Variants in ANKRD17 observed in about 807,000 individuals in gnomAD.
ANKRD17 encodes the protein ankyrin repeat domain 17.
ANKRD17 carries 19 observed loss-of-function variants against 229.7 expected under a neutral mutation model. The observed-to-expected ratio is 0.08, with a 90% CI of 0.06 to 0.12. ANKRD17 has a LOEUF of 0.12. Ranked by LOEUF, ANKRD17 falls within the 10% of genes least tolerant of loss-of-function variation. The pLI is 1.00. For missense variants in ANKRD17, 2,176 were observed against 3,176.8 expected, an observed-to-expected ratio of 0.68 and a Z score of 7.57; for synonymous variants, 1,112 against 1,146.1, an observed-to-expected ratio of 0.97 and a Z score of 0.60.
intron 6 of ANKRD17, among the ~76,000 whole-genome samples, chr4:73,153,276 T>C (rs926803094): frequency 6.7e-6 from 1 of 148,274 alleles, no homozygotes; most frequent in African/African-American, 2.5e-5. Flanking sequence ...CAGAAATGAG[T>C]GGCTAAACAC....
At chr4:73,085,531 A>G (rs1722028057) in intron 29 of ANKRD17, 85 bp from the exon 30 acceptor site, 2 of 1,165,246 alleles carry the variant, frequency 1.7e-6, no homozygotes, top group Admixed American at 2.1e-5. Flanking sequence ...GGCCCTAAAT[A>G]TATTCAAAAC....
At chr4:73,171,146 C>T (rs1293198462) in intron 2 of ANKRD17, among the ~76,000 whole-genome samples, 1 of 147,190 alleles carries the variant, frequency 6.8e-6, no homozygotes, top group Non-Finnish European at 1.5e-5. Context: ...ACTTGTGTCA[C>T]CCCAACCCCA....
chr4:73,123,325 T>C (rs1417937460), intron 18 of ANKRD17, among the ~76,000 whole-genome samples: 1 of 152,068 alleles, frequency 6.6e-6, no homozygotes, highest in African/African-American at 2.4e-5. Flanking sequence ...TCTGGAATAG[T>C]AGAAATAATT....
Position 73,196,547 on chromosome 4 carries a change from TAC to T in ANKRD17, c.394-19016_394-19015del, listed in dbSNP as rs373480116. ...TTATATACATATATACGTTTATATT[TAC>T]ACACACACACAAACATATACTTATG... On this transcript the variant is annotated intron_variant, in intron 1 of 33. Coordinates refer to ENST00000358602, the MANE Select transcript of ANKRD17 (RefSeq NM_032217.5). Among the ~76,000 whole-genome samples the T allele has an allele frequency of 5.3e-5, 8 of 152,200 alleles. No homozygotes were observed. In the South Asian group the frequency reaches 1.2e-3, roughly 24 times the overall value.
intron 2 of ANKRD17, among the ~76,000 whole-genome samples, chr4:73,162,328 GT>G (rs1317212936): frequency 6.6e-6 from 1 of 152,082 alleles, no homozygotes; most frequent in Non-Finnish European, 1.5e-5. Flanking sequence ...GGGATTATAG[GT>G]GTGAGCCACC....
At chr4:73,133,392 T>G (rs1415192502) in intron 16 of ANKRD17, among the ~76,000 whole-genome samples, 1 of 148,068 alleles carries the variant, frequency 6.8e-6, no homozygotes, top group Non-Finnish European at 1.5e-5. Flanking sequence ...GTCTCGTGTT[T>G]TTTTTTTTTT....
intron 1 of ANKRD17, among the ~76,000 whole-genome samples, chr4:73,226,702 T>C (rs1221739849): frequency 6.6e-6 from 1 of 152,064 alleles, no homozygotes; most frequent in African/African-American, 2.4e-5. Flanking sequence ...CCAATAGTAG[T>C]AATTTCTTTA....
chr4:73,190,293 C>T (rs577413782), intron 1 of ANKRD17, among the ~76,000 whole-genome samples: 27 of 152,022 alleles, frequency 1.8e-4, no homozygotes, highest in African/African-American at 6.0e-4. Flanking sequence ...CACTTGAACC[C>T]GGGAGGCAGA....
Position 73,153,901 on chromosome 4 carries a change from G to T in ANKRD17, c.1213C>A (p.Leu405Ile). 1 of 1,603,202 alleles carries T rather than the reference G, an allele frequency of 6.2e-7. No homozygotes were observed. Among genetic ancestry groups the T allele is most frequent in the South Asian group, 1.1e-5 (1 of 89,108 alleles). ...GTACCTTTGTAACAAGCTAAGGTAA[G>T]GGCACTCTCTTTAAATTCATTAGAA... ...THSNEFKESA[L>I]TLACYKGHLE... Residue 405 changes from leucine to isoleucine, a missense_variant, in exon 6 of 34, where the codon CTT becomes ATT. Physicochemically the swap from Leu to Ile is conservative, Grantham distance 5. Transcript: ENST00000358602.
chr4:73,091,852 G>C lies in ANKRD17; in HGVS notation c.5776C>G (p.Pro1926Ala). 1 of 1,614,202 alleles carries C rather than the reference G, an allele frequency of 6.2e-7. No homozygotes were observed. Among genetic ancestry groups the C allele is most frequent in the Non-Finnish European group, 8.5e-7 (1 of 1,180,032 alleles). Reference protein sequence around the residue: ...TFPPAQSTWGPFPVRPLSPAR... With the variant: ...TFPPAQSTWGAFPVRPLSPAR... Reference sequence around the variant, plus strand: ...GGGCTCAAAGGCCTGACAGGAAACGGACCCCAAGTGGATTGAGCTGGTGGA... The same window carrying C: ...GGGCTCAAAGGCCTGACAGGAAACGCACCCCAAGTGGATTGAGCTGGTGGA... The change falls in exon 29 of 34, where the codon CCG (proline) becomes GCG (alanine). Residue 1926 changes from proline (P) to alanine (A), a missense_variant. Around this residue, in one of 18 missense-constraint regions of ANKRD17, gnomAD observed 142 missense variants for 200.4 expected, o/e 0.71. Coordinates refer to ENST00000358602, the MANE Select transcript of ANKRD17 (RefSeq NM_032217.5).
Position 73,106,878 on chromosome 4 carries a change from TAAAAAAAA to T in ANKRD17, c.4402-4339_4402-4332del, listed in dbSNP as rs35011113. Among the ~76,000 whole-genome samples the T allele has an allele frequency of 1.2e-4, 6 of 49,260 alleles. No individual in the cohort carries two copies. The Admixed American group carries it at 1.6e-3, about 13-fold the overall frequency. The allele number at this position is 49,260 out of a possible 152,430, so 32.3% of individuals were successfully genotyped here. On this transcript the variant is annotated intron_variant, in intron 24 of 33. Coordinates refer to ENST00000358602, the MANE Select transcript of ANKRD17 (RefSeq NM_032217.5). ...TGGCAATGGAGTGAGACTCCGTCTT[TAAAAAAAA>T]AAAAAAAAAAAAAAAAGCGAAACTG... is the stretch of plus-strand genomic sequence containing the variant.
In ANKRD17 at chr4:73,079,252, G is replaced by A. The variant is rs188046649; in HGVS notation, c.7160-362C>T. 7.2e-5 allele frequency among the ~76,000 whole-genome samples: 11 copies of A among 152,286 alleles called. No homozygotes were observed. The East Asian group carries it at 1.9e-3, about 27-fold the overall frequency. On this transcript the variant is annotated intron_variant, in intron 30 of 33. Coordinates refer to ENST00000358602, the MANE Select transcript of ANKRD17 (RefSeq NM_032217.5). ...TGGGTAAGAATCACTGCCTGTAGTG[G>A]CAATCTCCAAACTGTATTCCCTGGG...
chr4:73,078,931 T>C lies in ANKRD17; in HGVS notation c.7160-41A>G, dbSNP rs201891456. The C allele has an allele frequency of 3.9e-6, 6 of 1,547,706 alleles. No homozygotes were observed. In the African/African-American group the frequency reaches 4.1e-5, roughly 11 times the overall value. On this transcript the variant is annotated intron_variant, in intron 30 of 33. Coordinates refer to ENST00000358602, the MANE Select transcript of ANKRD17 (RefSeq NM_032217.5). ...TTTGAAATAAAATACAGGTCATCTA[T>C]AGAACATGTAATTTTATAAAACCAA...
At chr4:73,094,341 T>TCTG in intron 27 of ANKRD17, 113 bp from the exon 28 acceptor site, 1 of 971,006 alleles carries the variant, frequency 1.0e-6, no homozygotes, top group Non-Finnish European at 1.5e-6. Flanking sequence ...CAGAATATTG[T>TCTG]TGAATAAGCC....
intron 1 of ANKRD17, among the ~76,000 whole-genome samples, chr4:73,253,643 T>A (rs1042225209): frequency 1.3e-5 from 2 of 152,214 alleles, no homozygotes; most frequent in Non-Finnish European, 2.9e-5. Context: ...ACTTTTAACC[T>A]TTACCTAGAC....
Position 73,139,666 on chromosome 4 carries a change from T to C in ANKRD17, c.2950A>G (p.Ile984Val). The part of the protein sequence containing the change: ...IANLTELQGV[I>V]VGQPVLGQAQ... The stretch of plus-strand genomic sequence containing the variant: ...TGGCCCAGTACTGGCTGTCCAACTA[T>C]CACTCCTTGCAGTTCTGTAAGATTT... The change falls in exon 15 of 34, where the codon ATA (isoleucine) becomes GTA (valine). Residue 984 changes from isoleucine to valine, a missense_variant. Coordinates refer to ENST00000358602, the MANE Select transcript of ANKRD17 (RefSeq NM_032217.5). The C allele has an allele frequency of 6.2e-7, 1 of 1,614,134 alleles. No homozygotes were observed. The highest frequency in any genetic ancestry group is 1.1e-5 in the South Asian group (1 of 91,078).
rs112709060 is a variant in ANKRD17 at position 73,195,179 on chromosome 4, G to A, written c.394-17646C>T. 4.9e-3 allele frequency among the ~76,000 whole-genome samples: 751 copies of A among 152,082 alleles called. 7 individuals are homozygous for A. The highest frequency in any genetic ancestry group is 0.017 in the African/African-American group (699 of 41,480). The stretch of plus-strand genomic sequence containing the variant: ...GAATTACATTGATGGATCAGTAAAC[G>A]TTAAACAATTTAAACCAACTTTATA... On this transcript the variant is annotated intron_variant, in intron 1 of 33. Transcript: ENST00000358602.
chr4:73,156,448 T>C (rs535427733), intron 3 of ANKRD17, among the ~76,000 whole-genome samples: 28 of 152,270 alleles, frequency 1.8e-4, no homozygotes, highest in Admixed American at 1.6e-3. Flanking sequence ...ACAGTTAATA[T>C]GGTTTGGCTC....
intron 7 of ANKRD17, among the ~76,000 whole-genome samples, chr4:73,150,345 A>T (rs1439088588): frequency 6.6e-6 from 1 of 152,164 alleles, no homozygotes; most frequent in Non-Finnish European, 1.5e-5. Context: ...CTTAATCTAC[A>T]CACAGGCCAT....
Sources: allele counts gnomAD v4.1 joint callset (sites outside exome capture counted in the v4.1 genomes callset), GRCh38; gene constraint gnomAD v4.1.1; regional missense constraint gnomAD v4.1.1; transcripts MANE v1.5; gene names NCBI Gene and HGNC (gene_info 2026-07-23, HGNC 2026-07-21).